The following NLGN1 variants were observed in gnomAD, a reference collection of about 807,000 sequenced individuals.
NLGN1 encodes the protein neuroligin 1.
Under a neutral mutation model 65.5 loss-of-function variants are expected in NLGN1, and 12 were observed. That is an observed-to-expected ratio of 0.18 (90% CI 0.12 to 0.30). The LOEUF is 0.30. Ranked by LOEUF, NLGN1 falls within the 10% of genes least tolerant of loss-of-function variation. The pLI is 1.00. For synonymous variants in NLGN1, 350 were observed against 359.5 expected, an observed-to-expected ratio of 0.97 and a Z score of 0.30; for missense variants, 750 against 1,007.1, an observed-to-expected ratio of 0.74 and a Z score of 3.46.
At chr3:173,424,527 C>T (rs80006284) in intron 1 of NLGN1, among the ~76,000 whole-genome samples, 6,257 of 152,276 alleles carry the variant, frequency 0.041, 422 homozygotes, top group African/African-American at 0.14. Flanking sequence ...GAATAATTCA[C>T]GTTCTCTCTT....
At chr3:173,829,998 T>A (rs967087846) in intron 4 of NLGN1, among the ~76,000 whole-genome samples, 40 of 44,520 alleles carry the variant, frequency 9.0e-4, no homozygotes, top group African/African-American at 5.3e-3. Flanking sequence ...AGAATTACAG[T>A]GGGTAGTGTG....
chr3:173,592,467 G>A (rs1188264210), intron 2 of NLGN1, among the ~76,000 whole-genome samples: 4 of 152,086 alleles, frequency 2.6e-5, no homozygotes, highest in African/African-American at 4.8e-5. Flanking sequence ...CACAATAGTG[G>A]AATTAGCTGC....
At chr3:173,604,761 G>A (rs1473640333) in exon 3 of NLGN1, 2 of 1,613,730 alleles carry the variant, frequency 1.2e-6, no homozygotes, top group Admixed American at 3.3e-5. Context: ...GGACCCACTG[G>A]TGGCTACCAA....
At chr3:173,539,939 G>GTGTA (rs1553879792) in intron 2 of NLGN1, among the ~76,000 whole-genome samples, 68 of 147,278 alleles carry the variant, frequency 4.6e-4, no homozygotes, top group African/African-American at 1.7e-3. Flanking sequence ...GTGTGTGTGT[G>GTGTA]TATATATATC....
chr3:173,757,669 A>G (rs1777339952), intron 3 of NLGN1, among the ~76,000 whole-genome samples: 1 of 152,054 alleles, frequency 6.6e-6, no homozygotes, highest in Admixed American at 6.6e-5. Flanking sequence ...CAAACAAAGC[A>G]GCAGAAAAAA....
At chr3:174,246,211 C>T (rs1743759258) in intron 4 of NLGN1, among the ~76,000 whole-genome samples, 1 of 152,070 alleles carries the variant, frequency 6.6e-6, no homozygotes, top group African/African-American at 2.4e-5. Flanking sequence ...GGCAAGATTC[C>T]CACTACATTT....
At chr3:173,885,468 A>C (rs1378802128) in intron 4 of NLGN1, among the ~76,000 whole-genome samples, 1 of 152,172 alleles carries the variant, frequency 6.6e-6, no homozygotes, top group Admixed American at 6.5e-5. Flanking sequence ...GAAACACTTT[A>C]ATACATATTG....
intron 4 of NLGN1, among the ~76,000 whole-genome samples, chr3:174,020,329 A>T (rs1727497838): frequency 6.6e-6 from 1 of 152,104 alleles, no homozygotes; most frequent in Non-Finnish European, 1.5e-5. Flanking sequence ...CAATAACTGC[A>T]CTGCCTTGGA....
chr3:174,070,714 G>A (rs1282950604), intron 4 of NLGN1, among the ~76,000 whole-genome samples: 3 of 152,134 alleles, frequency 2.0e-5, no homozygotes, highest in African/African-American at 7.2e-5. Context: ...GTCAGGGTTG[G>A]CTAAATATAT....
chr3:173,856,467 G>A (rs188834122), intron 4 of NLGN1, among the ~76,000 whole-genome samples: 1 of 152,210 alleles, frequency 6.6e-6, no homozygotes, highest in East Asian at 1.9e-4. Flanking sequence ...TCTCTCCCAG[G>A]TAAAAACTGA....
At chr3:173,816,490 T>C (rs1719067239) in intron 4 of NLGN1, among the ~76,000 whole-genome samples, 1 of 152,214 alleles carries the variant, frequency 6.6e-6, no homozygotes, top group Non-Finnish European at 1.5e-5. Context: ...GTAAAAACTC[T>C]TTATTTTCCT....
chr3:174,276,505 G>GA (rs1163065287), intron 5 of NLGN1, among the ~76,000 whole-genome samples: 5 of 151,718 alleles, frequency 3.3e-5, no homozygotes, highest in African/African-American at 9.7e-5. Flanking sequence ...TTATATCCAA[G>GA]AAAAAAGTAT....
At chr3:174,221,674 CA>C (rs1738685181) in intron 4 of NLGN1, among the ~76,000 whole-genome samples, 1 of 151,074 alleles carries the variant, frequency 6.6e-6, no homozygotes, top group Non-Finnish European at 1.5e-5. Flanking sequence ...GTTGCTTAAA[CA>C]AGAGAAATTT....
chr3:173,565,675 A>G (rs1743527820), intron 2 of NLGN1, among the ~76,000 whole-genome samples: 1 of 152,184 alleles, frequency 6.6e-6, no homozygotes, highest in Admixed American at 6.5e-5. Flanking sequence ...GCAGCTCCAG[A>G]CATGCGTCTT....
chr3:173,909,041 T>C (rs1739031151), intron 4 of NLGN1, among the ~76,000 whole-genome samples: 1 of 152,008 alleles, frequency 6.6e-6, no homozygotes, highest in Non-Finnish European at 1.5e-5. Context: ...GGTGGAAAAA[T>C]GGATCATTTT....
chr3:173,543,579 G>T (rs1283981903), intron 2 of NLGN1, among the ~76,000 whole-genome samples: 1 of 152,076 alleles, frequency 6.6e-6, no homozygotes, highest in Non-Finnish European at 1.5e-5. Flanking sequence ...CTAATATTGT[G>T]TTCTGAAACA....
intron 4 of NLGN1, among the ~76,000 whole-genome samples, chr3:173,962,124 CAAG>C (rs761462453): frequency 6.6e-6 from 1 of 152,016 alleles, no homozygotes; most frequent in African/African-American, 2.4e-5. Flanking sequence ...AAACACAAGA[CAAG>C]GAGTATACAA....
At chr3:173,618,041 A>G (rs943548828) in intron 3 of NLGN1, among the ~76,000 whole-genome samples, 3 of 152,142 alleles carry the variant, frequency 2.0e-5, no homozygotes, top group Admixed American at 6.5e-5. Context: ...AGATAATCTA[A>G]GAAGAGGTCG....
chr3:173,990,817 AT>A lies in NLGN1; in HGVS notation c.646+182987del, dbSNP rs1487051875. Among the ~76,000 whole-genome samples, 3 of 152,296 alleles carry A rather than the reference AT, an allele frequency of 2.0e-5. No homozygotes were observed. The East Asian group carries it at 5.8e-4, about 29-fold the overall frequency. On this transcript the variant is annotated intron_variant, in intron 4 of 6. Coordinates refer to ENST00000457714, the Ensembl canonical transcript of NLGN1. Reference sequence around the variant, plus strand: ...TTAATTCTATATTTTAAAAGAAACAATTGTAATGGGTATTAGAATATAAAAC... The same window carrying A: ...TTAATTCTATATTTTAAAAGAAACAATGTAATGGGTATTAGAATATAAAAC...
Sources: gnomAD v4.1 joint callset for allele counts (sites outside exome capture counted in the v4.1 genomes callset) on GRCh38, gnomAD v4.1.1 for gene constraint, MANE v1.5 for transcripts, NCBI Gene and HGNC (gene_info 2026-07-23, HGNC 2026-07-21) for gene names.